The following CTNND2 variants were observed in gnomAD, a reference collection of about 807,000 sequenced individuals.
CTNND2 encodes catenin delta 2.
Under a neutral mutation model 144.4 loss-of-function variants are expected in CTNND2, and 22 were observed. The observed-to-expected ratio is 0.15, with a 90% CI of 0.11 to 0.22. The LOEUF (loss-of-function observed/expected upper bound fraction) is 0.22. Ranked by LOEUF, CTNND2 falls within the 10% of genes least tolerant of loss-of-function variation. The probability of loss-of-function intolerance (pLI) is 1.00; values close to 1 mark genes in which losing one functional copy is unlikely to be tolerated. For synonymous variants in CTNND2, 751 were observed against 695.6 expected (o/e 1.08, Z -1.25); for missense variants, 1,353 against 1,618.8 (o/e 0.84, Z 2.82).
chr5:11,034,182 T>C (rs1743813131), intron 16 of CTNND2, among the ~76,000 whole-genome samples: 1 of 152,234 alleles, frequency 6.6e-6, no homozygotes, highest in African/African-American at 2.4e-5. Context: ...ATAAATCTTT[T>C]GTTAGCATGA....
intron 1 of CTNND2, among the ~76,000 whole-genome samples, chr5:11,865,900 G>GAAAAAAAAAAAAAAAAA: frequency 1.4e-4 from 1 of 7,038 alleles, no homozygotes; most frequent in Non-Finnish European, 4.8e-4. Context: ...AGCTGGAAGA[G>GAAAAAAAAAAAAAAAAA]ACAAAAAAAA....
intron 3 of CTNND2, among the ~76,000 whole-genome samples, chr5:11,503,109 T>G (rs1179209685): frequency 6.6e-6 from 1 of 152,180 alleles, no homozygotes; most frequent in Admixed American, 6.5e-5. Flanking sequence ...GAGTCTTGAT[T>G]TCATAGGGGT....
chr5:11,190,538 C>A (rs1217380233), intron 11 of CTNND2, among the ~76,000 whole-genome samples: 4 of 152,228 alleles, frequency 2.6e-5, no homozygotes, highest in African/African-American at 9.6e-5. Context: ...TGGCCTCCAA[C>A]CCAACCCCTA....
At chr5:11,828,766 T>A (rs1416997491) in intron 1 of CTNND2, among the ~76,000 whole-genome samples, 2 of 151,196 alleles carry the variant, frequency 1.3e-5, no homozygotes, top group African/African-American at 4.9e-5. Context: ...GTACCAGGAG[T>A]GGGGTGCTGT....
At chr5:11,093,087 C>G (rs533124763) in intron 15 of CTNND2, among the ~76,000 whole-genome samples, 4 of 152,328 alleles carry the variant, frequency 2.6e-5, no homozygotes, top group African/African-American at 9.6e-5. Flanking sequence ...AATAGATTAA[C>G]ATCCAAGTCT....
intron 1 of CTNND2, among the ~76,000 whole-genome samples, chr5:11,894,276 C>T (rs77971013): frequency 0.023 from 3,523 of 151,886 alleles, 158 homozygotes; most frequent in African/African-American, 0.08. Flanking sequence ...CATTCCACTC[C>T]CATCTTTAAG....
At chr5:11,382,579 C>T (rs1451368502) in intron 7 of CTNND2, among the ~76,000 whole-genome samples, 1 of 145,382 alleles carries the variant, frequency 6.9e-6, no homozygotes, top group African/African-American at 2.6e-5. Flanking sequence ...GCCTGGGCAA[C>T]CGACAGAGTG....
At chr5:11,797,239 G>A (rs562293469) in intron 1 of CTNND2, among the ~76,000 whole-genome samples, 11 of 152,270 alleles carry the variant, frequency 7.2e-5, no homozygotes, top group South Asian at 4.2e-4. Context: ...CGATCATTTC[G>A]GTGTGAGTAA....
intron 6 of CTNND2, among the ~76,000 whole-genome samples, chr5:11,389,875 T>A (rs1039629807): frequency 1.1e-4 from 17 of 152,252 alleles, no homozygotes; most frequent in African/African-American, 3.9e-4. Flanking sequence ...CTTTGTTTCA[T>A]GTACAACATT....
intron 3 of CTNND2, among the ~76,000 whole-genome samples, chr5:11,505,834 G>A (rs1770976317): frequency 6.6e-6 from 1 of 152,136 alleles, no homozygotes. Context: ...GATCCTCTGT[G>A]ACTGACTTAT....
At chr5:11,280,416 A>G (rs957164583) in intron 9 of CTNND2, among the ~76,000 whole-genome samples, 1 of 152,230 alleles carries the variant, frequency 6.6e-6, no homozygotes, top group Non-Finnish European at 1.5e-5. Flanking sequence ...TCCACAGTCA[A>G]GGTTCCAGCA....
intron 2 of CTNND2, among the ~76,000 whole-genome samples, chr5:11,694,109 G>A (rs893819550): frequency 2.0e-5 from 3 of 152,068 alleles, no homozygotes; most frequent in African/African-American, 7.2e-5. Flanking sequence ...TTACCATTGA[G>A]GGCTATTTTA....
At chr5:11,311,739 GC>G in intron 9 of CTNND2, among the ~76,000 whole-genome samples, 2 of 108,958 alleles carry the variant, frequency 1.8e-5, no homozygotes, top group African/African-American at 7.3e-5. Flanking sequence ...CACCTCACAT[GC>G]CCATATGCTC....
At chr5:11,417,892 C>A (rs1762048106) in intron 3 of CTNND2, among the ~76,000 whole-genome samples, 1 of 152,070 alleles carries the variant, frequency 6.6e-6, no homozygotes, top group Admixed American at 6.5e-5. Flanking sequence ...TGGAAACAGC[C>A]TATGTGTTCC....
chr5:11,275,919 T>A (rs1331542714), intron 9 of CTNND2, among the ~76,000 whole-genome samples: 1 of 152,218 alleles, frequency 6.6e-6, no homozygotes, highest in East Asian at 1.9e-4. Context: ...AATACCTGAT[T>A]TTAATTCCCA....
At chr5:11,294,192 AAC>A (rs1554023045) in intron 9 of CTNND2, among the ~76,000 whole-genome samples, 1 of 151,868 alleles carries the variant, frequency 6.6e-6, no homozygotes. Context: ...AAAAAAAAAA[AAC>A]AAAGCCAGTT....
chr5:11,353,155 C>CAA (rs1187460545), intron 8 of CTNND2, among the ~76,000 whole-genome samples: 1 of 151,672 alleles, frequency 6.6e-6, no homozygotes, highest in Non-Finnish European at 1.5e-5. Context: ...TTGGAGCTTC[C>CAA]CATTGTGCCA....
chr5:11,198,021 T>C (rs1737050459), intron 11 of CTNND2, among the ~76,000 whole-genome samples: 1 of 152,228 alleles, frequency 6.6e-6, no homozygotes, highest in African/African-American at 2.4e-5. Flanking sequence ...GGAGTCTTAC[T>C]GCACGGAAGC....
chr5:11,456,058 A>C (rs1765706477), intron 3 of CTNND2, among the ~76,000 whole-genome samples: 1 of 152,208 alleles, frequency 6.6e-6, no homozygotes, highest in South Asian at 2.1e-4. Context: ...CGTTTCTACA[A>C]ATTAATATGT....
Sources: allele counts gnomAD v4.1 joint callset (sites outside exome capture counted in the v4.1 genomes callset), GRCh38; gene constraint gnomAD v4.1.1; transcripts MANE v1.5; gene names NCBI Gene and HGNC (gene_info 2026-07-23, HGNC 2026-07-21).